The following QRICH1 variants were observed in gnomAD, a reference collection of about 807,000 sequenced individuals.
The protein encoded by QRICH1 is glutamine rich 1, also known as transcriptional regulator QRICH1.
In QRICH1, 16 loss-of-function variants were observed where a neutral mutation model predicts 87.1. The ratio of observed to expected loss-of-function variants is 0.18; its 90% CI spans 0.12 to 0.28. The LOEUF is 0.28. Among genes scored for constraint, QRICH1 ranks in the 10% least tolerant of loss-of-function variants. The pLI is 1.00. For synonymous variants in QRICH1, 367 were observed against 368.4 expected (o/e 1.00, Z 0.05); for missense variants, 647 against 951.7 (o/e 0.68, Z 4.21).
rs373778599 is a variant in QRICH1 at position 49,057,918 on chromosome 3, T to C, written c.310-28A>G. On this transcript the variant is annotated intron_variant, in intron 2 of 9. Transcript: ENST00000395443. The surrounding 1 kb of genome is among the most constrained non-coding windows in gnomAD (Gnocchi z 5.4). ...GTAAGCAACAAGATTCATCAGTGAGTGAACCAGGCAGCACTGAAAATCCAG... is the reference window on the plus strand; with the variant it reads ...GTAAGCAACAAGATTCATCAGTGAGCGAACCAGGCAGCACTGAAAATCCAG... 3.0e-5 allele frequency: 49 copies of C among 1,613,384 alleles called. No homozygotes were observed. In the African/African-American group the frequency reaches 3.6e-4, roughly 12 times the overall value.
intron 1 of QRICH1, among the ~76,000 whole-genome samples, chr3:49,088,642 A>C (rs1230478485): frequency 7.8e-6 from 1 of 128,788 alleles, no homozygotes; most frequent in Non-Finnish European, 1.6e-5. Flanking sequence ...TTTTTTTTTA[A>C]TGAGACAAGG....
intron 3 of QRICH1, among the ~76,000 whole-genome samples, chr3:49,050,133 G>A (rs1012140429): frequency 1.3e-5 from 2 of 151,452 alleles, no homozygotes; most frequent in Non-Finnish European, 2.9e-5. Context: ...TCAGGAGATC[G>A]AGCTACTTGG....
rs753480099 is a variant in QRICH1, at chr3:49,033,268, G to C, written c.1787-40C>G. 6 of 1,339,476 alleles carry C rather than the reference G, an allele frequency of 4.5e-6. No individual in the cohort carries two copies. The Admixed American group carries it at 1.0e-4, about 23-fold the overall frequency. The allele number at this position is 1,339,476 out of a possible 1,614,324, so 83.0% of individuals were successfully genotyped here. ...GTACTGTCACAACAAGAGGATGGCA[G>C]GTGGTCTCTCAAAGGTACAATATGG... On this transcript the variant is annotated intron_variant, in intron 6 of 9. Coordinates refer to ENST00000395443, the MANE Select transcript of QRICH1 (RefSeq NM_198880.3).
intron 6 of QRICH1, among the ~76,000 whole-genome samples, chr3:49,038,453 C>T (rs886414248): frequency 1.3e-5 from 2 of 151,826 alleles, no homozygotes; most frequent in African/African-American, 4.8e-5. Context: ...TGCACTGTTG[C>T]CTGGGCTGGA....
chr3:49,055,709 T>C (rs890225622), intron 3 of QRICH1, among the ~76,000 whole-genome samples: 2 of 152,154 alleles, frequency 1.3e-5, no homozygotes, highest in Admixed American at 1.3e-4. Flanking sequence ...TCTTGCTATG[T>C]TGCCCCAGGT....
intron 8 of QRICH1, 121 bp from the exon 9 acceptor site, chr3:49,032,394 A>T: frequency 2.4e-6 from 2 of 840,976 alleles, no homozygotes; most frequent in Non-Finnish European, 3.9e-6. Flanking sequence ...GGGGGAGGGA[A>T]GGTATGAGGC....
intron 3 of QRICH1, among the ~76,000 whole-genome samples, chr3:49,052,669 TA>T (rs1487953236): frequency 3.3e-5 from 5 of 152,102 alleles, no homozygotes; most frequent in Non-Finnish European, 7.4e-5. Context: ...CTAATTTTTT[TA>T]TTTTTTTATT....
chr3:49,093,036 C>T (rs748399405), intron 1 of QRICH1, among the ~76,000 whole-genome samples: 1 of 152,184 alleles, frequency 6.6e-6, no homozygotes, highest in Non-Finnish European at 1.5e-5. Context: ...CCTTCCGGAG[C>T]GCACAGAGGT....
chr3:49,042,088 T>C (rs2093313863), intron 6 of QRICH1, among the ~76,000 whole-genome samples: 1 of 150,780 alleles, frequency 6.6e-6, no homozygotes, highest in Admixed American at 6.6e-5. Flanking sequence ...TTTTTTTTTT[T>C]TTTGGGCGGG....
intron 8 of QRICH1, 116 bp downstream of exon 8, chr3:49,032,506 G>C: frequency 1.5e-6 from 2 of 1,348,230 alleles, no homozygotes; most frequent in Non-Finnish European, 2.0e-6. Context: ...AGGGAGTGGA[G>C]AATTTTATCC....
intron 3 of QRICH1, among the ~76,000 whole-genome samples, chr3:49,056,543 T>C (rs530787703): frequency 3.0e-4 from 45 of 151,880 alleles, no homozygotes; most frequent in Non-Finnish European, 4.0e-4. Context: ...ACTTGAGGTG[T>C]CCCATTCATC....
chr3:49,041,760 A>G (rs189274027), intron 6 of QRICH1, among the ~76,000 whole-genome samples: 1 of 151,896 alleles, frequency 6.6e-6, no homozygotes, highest in Non-Finnish European at 1.5e-5. Context: ...CTTCCCGAGT[A>G]GCTGGGACTA....
chr3:49,078,061 A>G (rs538678622), intron 1 of QRICH1, among the ~76,000 whole-genome samples: 1 of 152,310 alleles, frequency 6.6e-6, no homozygotes, highest in African/African-American at 2.4e-5. Flanking sequence ...CGACCTCCAG[A>G]ACAAAAGTAG....
chr3:49,076,912 A>T lies in QRICH1; in HGVS notation c.106T>A (p.Ser36Thr), dbSNP rs771385934. 1.9e-6 allele frequency: 3 copies of T among 1,613,636 alleles called. No individual in the cohort carries two copies. The highest frequency in any genetic ancestry group is 2.5e-6 in the Non-Finnish European group (3 of 1,179,712). The change falls in exon 2 of 10, where the codon TCT becomes ACT. Residue 36 changes from serine (S) to threonine (T), a missense_variant. By Grantham distance (58) the Ser-to-Thr change is moderately conservative. Around this residue, in one of 7 missense-constraint regions of QRICH1, gnomAD observed 56 missense variants for 109.6 expected, o/e 0.51. Transcript: ENST00000395443. ...RMKEFLDSLA[S>T]KGPEALQEFQ... ...TCCTGAAGGGCTTCTGGCCCCTTAG[A>T]GGCCAGTGAGTCCAGAAATTCCTTC...
chr3:49,042,426 AT>A (rs953281903), intron 6 of QRICH1, among the ~76,000 whole-genome samples: 34 of 152,234 alleles, frequency 2.2e-4, no homozygotes, highest in African/African-American at 7.7e-4. Context: ...TTAAAGGCAT[AT>A]TGCTAAATGA....
At chr3:49,067,015 T>A (rs910770677) in intron 2 of QRICH1, among the ~76,000 whole-genome samples, 6 of 150,830 alleles carry the variant, frequency 4.0e-5, no homozygotes, top group African/African-American at 9.7e-5. Context: ...TCCAGCCTCA[T>A]CGACAGAGAC....
chr3:49,050,108 G>A (rs1034811170), intron 3 of QRICH1, among the ~76,000 whole-genome samples: 2 of 151,456 alleles, frequency 1.3e-5, no homozygotes, highest in Non-Finnish European at 2.9e-5. Context: ...AGGCCGAGGC[G>A]GGCGGATCAC....
intron 2 of QRICH1, among the ~76,000 whole-genome samples, chr3:49,063,665 T>G (rs1295865283): frequency 6.6e-6 from 1 of 152,156 alleles, no homozygotes; most frequent in Non-Finnish European, 1.5e-5. Flanking sequence ...GACACACACC[T>G]GTAGTCTCAG....
chr3:49,093,819 G>A (rs2042327623), intron 1 of QRICH1, 93 bp downstream of exon 1: 1 of 314,304 alleles, frequency 3.2e-6, no homozygotes, highest in Non-Finnish European at 5.8e-6. Context: ...CAGCGGTAGT[G>A]GCCCGCCCGC....
Sources: allele counts gnomAD v4.1 joint callset (sites outside exome capture counted in the v4.1 genomes callset), GRCh38; gene constraint gnomAD v4.1.1; regional missense constraint gnomAD v4.1.1; non-coding constraint Gnocchi (gnomAD v3.1); transcripts MANE v1.5; gene names NCBI Gene and HGNC (gene_info 2026-07-23, HGNC 2026-07-21).